ISOC1: variants seen among roughly 807,000 people sequenced by gnomAD.
The protein encoded by ISOC1 is isochorismatase domain containing 1, also known as isochorismatase domain-containing protein 1.
ISOC1 carries 33 observed loss-of-function variants against 30.0 expected under a neutral mutation model. That is an observed-to-expected ratio of 1.10 (90% CI 0.83 to 1.47). ISOC1 has a LOEUF of 1.47. Among genes scored for constraint, ISOC1 ranks in the 40% most tolerant of loss-of-function variants. The pLI is 0.00. For missense variants in ISOC1, 372 were observed against 388.0 expected (o/e 0.96, Z 0.35); for synonymous variants, 178 against 159.8 (o/e 1.11, Z -0.86).
chr5:129,101,192 A>AAAAAAAAAAATATAT (rs1554064627), intron 1 of ISOC1, among the ~76,000 whole-genome samples: 6 of 42,230 alleles, frequency 1.4e-4, no homozygotes, highest in East Asian at 8.4e-4. Flanking sequence ...AAAAAAAAAA[A>AAAAAAAAAAATATAT]ATATATATAT....
chr5:129,106,159 T>G (rs1169257873), intron 3 of ISOC1, among the ~76,000 whole-genome samples: 1 of 152,208 alleles, frequency 6.6e-6, no homozygotes, highest in Non-Finnish European at 1.5e-5. Flanking sequence ...CTTTTTTGCT[T>G]GTTCATCATC....
chr5:129,107,696 A>G (rs923771984), intron 4 of ISOC1, among the ~76,000 whole-genome samples: 4 of 152,186 alleles, frequency 2.6e-5, no homozygotes, highest in African/African-American at 7.2e-5. Flanking sequence ...TTGAGCATCC[A>G]TGGATTTTGG....
intron 1 of ISOC1, among the ~76,000 whole-genome samples, chr5:129,103,609 G>T (rs1753596950): frequency 1.3e-5 from 2 of 152,142 alleles, no homozygotes; most frequent in Admixed American, 6.5e-5. Context: ...AAACCAATTA[G>T]AACAGTTATA....
intron 1 of ISOC1, among the ~76,000 whole-genome samples, chr5:129,104,201 A>C (rs1753605957): frequency 1.3e-5 from 2 of 152,148 alleles, no homozygotes; most frequent in South Asian, 4.1e-4. Flanking sequence ...TGTGCTTGGT[A>C]TCATTTCGTT....
rs185456076 is a variant in ISOC1, at chr5:129,112,869, C to T, written c.765C>T (p.Thr255=). 21 of 1,612,382 alleles carry T rather than the reference C, an allele frequency of 1.3e-5. No individual in the cohort carries two copies. Among genetic ancestry groups the T allele is most frequent in the Admixed American group, 3.4e-5 (2 of 59,640 alleles). ...RMFALERLAR[T]GIIVTTSEAV... is the part of the protein sequence containing the mutation. Reference sequence around the variant, plus strand: ...TTTTGTTCAAGCGTCTCGCTCGAACCGGGATCATAGTGACCACGAGTGAGG... The same window carrying T: ...TTTTGTTCAAGCGTCTCGCTCGAACTGGGATCATAGTGACCACGAGTGAGG... The change falls in exon 5 of 5, where the codon ACC becomes ACT. Residue 255 remains threonine (T), a synonymous_variant. Coordinates refer to ENST00000173527, the MANE Select transcript of ISOC1 (RefSeq NM_016048.2).
chr5:129,096,230 GA>G (rs1753499446), intron 1 of ISOC1, among the ~76,000 whole-genome samples: 1 of 152,068 alleles, frequency 6.6e-6, no homozygotes, highest in Admixed American at 6.6e-5. Context: ...TAGTTATTTT[GA>G]AATATACAAT....
chr5:129,094,903 G>C lies in ISOC1; in HGVS notation c.137G>C (p.Gly46Ala), dbSNP rs1164089413. The change falls in exon 1 of 5, where the codon GGC becomes GCC. Residue 46 changes from glycine (G) to alanine (A), a missense_variant. Coordinates refer to ENST00000173527, the MANE Select transcript of ISOC1 (RefSeq NM_016048.2). ...CCCTCGTCGGTGCCACACGGGGCGG[G>C]CTACGAGCTGCTCATCCAGAAGTTC... ...ARPSSVPHGA[G>A]YELLIQKFLS... 11 of 1,611,080 alleles carry C rather than the reference G, an allele frequency of 6.8e-6. No homozygotes were observed. The highest frequency in any genetic ancestry group is 1.6e-4 in the Middle Eastern group (1 of 6,074).
rs796387629 is a variant in ISOC1 at position 129,097,178 on chromosome 5, A to G, written c.309+2103A>G. 1.2e-4 allele frequency among the ~76,000 whole-genome samples: 18 copies of G among 152,130 alleles called. 1 individual carries two copies. Among genetic ancestry groups the G allele is most frequent in the African/African-American group, 2.4e-4 (10 of 41,432 alleles). The stretch of plus-strand genomic sequence containing the variant: ...GCATTAGTTATATTTTTGCATTTAT[A>G]TAGCTTTATATTTTTAATTCTTTAA... On this transcript the variant is annotated intron_variant, in intron 1 of 4. Coordinates refer to ENST00000173527, the MANE Select transcript of ISOC1 (RefSeq NM_016048.2).
intron 1 of ISOC1, among the ~76,000 whole-genome samples, chr5:129,095,653 A>G (rs1435135443): frequency 2.0e-5 from 3 of 152,172 alleles, no homozygotes; most frequent in Non-Finnish European, 4.4e-5. Context: ...CCTCTTAGTA[A>G]AGTGTCTACT....
At chr5:129,097,062 C>CT (rs979034078) in intron 1 of ISOC1, among the ~76,000 whole-genome samples, 3 of 151,880 alleles carry the variant, frequency 2.0e-5, no homozygotes, top group South Asian at 4.2e-4. Flanking sequence ...GTATAGTTCA[C>CT]TTTTTTTTGG....
intron 3 of ISOC1, among the ~76,000 whole-genome samples, chr5:129,106,424 C>G (rs192674296): frequency 6.6e-6 from 1 of 152,092 alleles, no homozygotes; most frequent in Non-Finnish European, 1.5e-5. Flanking sequence ...AATACATTTG[C>G]GGATGATATG....
At position 129,095,937 on chromosome 5, in the gene ISOC1, G is replaced by A. The variant is rs369234699; in HGVS notation, c.309+862G>A. ...AAGAATATAAGGTATAATTTAGGTA[G>A]TACACTGTCGATATCATTTCTTTAG... On this transcript the variant is annotated intron_variant, in intron 1 of 4. Transcript: ENST00000173527. 5.3e-5 allele frequency among the ~76,000 whole-genome samples: 8 copies of A among 152,174 alleles called. 1 individual carries two copies. In the South Asian group the frequency reaches 1.7e-3, roughly 32 times the overall value.
chr5:129,109,296 G>C (rs1753675694), intron 4 of ISOC1, among the ~76,000 whole-genome samples: 1 of 152,150 alleles, frequency 6.6e-6, no homozygotes. Context: ...TAATCTCTAT[G>C]CCTCAGATTT....
At chr5:129,107,097 A>G (rs781678219) in intron 4 of ISOC1, 35 bp downstream of exon 4, 6 of 1,500,738 alleles carry the variant, frequency 4.0e-6, no homozygotes, top group Non-Finnish European at 5.6e-6. Flanking sequence ...TCATTTGTCA[A>G]GTTTTCCAAA....
At chr5:129,104,266 G>A (rs11960471) in intron 1 of ISOC1, among the ~76,000 whole-genome samples, 110,139 of 152,042 alleles carry the variant, frequency 0.72, 41,210 homozygotes, top group African/African-American at 0.91. Flanking sequence ...TCATATTTCT[G>A]TCTTGATGAT....
Position 129,105,126 on chromosome 5 carries a change from C to CAT in ISOC1, c.430-53_430-52dup, listed in dbSNP as rs138572147. 2.0e-4 allele frequency: 322 copies of CAT among 1,611,624 alleles called. 2 individuals carry two copies. The highest frequency in any genetic ancestry group is 5.6e-4 in the African/African-American group (42 of 74,886). On this transcript the variant is annotated intron_variant, in intron 2 of 4. Coordinates refer to ENST00000173527, the MANE Select transcript of ISOC1 (RefSeq NM_016048.2). ...TATTTGCTGAATCATCATATACACT[C>CAT]ATATATACACATATATGTATATAGC... is the stretch of plus-strand genomic sequence containing the variant.
At chr5:129,099,151 A>G (rs1753542814) in intron 1 of ISOC1, among the ~76,000 whole-genome samples, 1 of 152,234 alleles carries the variant, frequency 6.6e-6, no homozygotes, top group African/African-American at 2.4e-5. Flanking sequence ...TGAATACATT[A>G]GAGCTACCTA....
Position 129,112,836 on chromosome 5 carries a change from C to G in ISOC1, c.751-19C>G. The G allele has an allele frequency of 6.2e-7, 1 of 1,607,322 alleles. No homozygotes were observed. The highest frequency in any genetic ancestry group is 8.5e-7 in the Non-Finnish European group (1 of 1,177,584). On this transcript the variant is annotated intron_variant, in intron 4 of 4. Coordinates refer to ENST00000173527, the MANE Select transcript of ISOC1 (RefSeq NM_016048.2). ...TTCTCATGCTTATTTCTTGATTTGC[C>G]TTTATCTTTTTGTTCAAGCGTCTCG...
chr5:129,105,500 G>A (rs41298336), intron 3 of ISOC1, 112 bp downstream of exon 3: 29,558 of 829,522 alleles, frequency 0.036, 1,178 homozygotes, highest in African/African-American at 0.17. Context: ...ATGAGGAAAG[G>A]TAGCCACCAT....
Sources: gnomAD v4.1 joint callset for allele counts (sites outside exome capture counted in the v4.1 genomes callset) on GRCh38, gnomAD v4.1.1 for gene constraint, MANE v1.5 for transcripts, NCBI Gene and HGNC (gene_info 2026-07-23, HGNC 2026-07-21) for gene names.